Variants in SDHAF2 observed in about 807,000 individuals in gnomAD.
The protein encoded by SDHAF2 is succinate dehydrogenase complex assembly factor 2.
A neutral mutation model predicts 18.5 loss-of-function variants in SDHAF2; 21 were observed. That is an observed-to-expected ratio of 1.13 (90% CI 0.80 to 1.63). The LOEUF (loss-of-function observed/expected upper bound fraction) is 1.63, where lower values mean the gene tolerates loss of function less well. Among genes scored for constraint, SDHAF2 ranks in the 40% most tolerant of loss-of-function variants. SDHAF2 has a pLI of 0.00. For synonymous variants in SDHAF2, 84 were observed against 70.7 expected (o/e 1.19, Z -0.94); for missense variants, 195 against 200.3 (o/e 0.97, Z 0.16).
chr11:61,439,333 G>T lies in SDHAF2; in HGVS notation c.370+1220G>T, dbSNP rs149790125. Among the ~76,000 whole-genome samples the T allele has an allele frequency of 8.1e-3, 1,235 of 152,278 alleles. 20 individuals are homozygous for T. The highest frequency in any genetic ancestry group is 0.028 in the African/African-American group (1,153 of 41,550). On this transcript the variant is annotated intron_variant, in intron 3 of 3. Coordinates refer to ENST00000301761, the MANE Select transcript of SDHAF2 (RefSeq NM_017841.4). ...ACAGCCATATTTCAGCCCGGAAAAAGTGTGTGGAAGTGCATACCCCTCCTT... is the reference window on the plus strand; with the variant it reads ...ACAGCCATATTTCAGCCCGGAAAAATTGTGTGGAAGTGCATACCCCTCCTT...
chr11:61,434,595 T>TTTTTTTTTTTTTTTTTTTC lies in SDHAF2; in HGVS notation c.37-3015_37-3014insTTTCTTTTTTTTTTTTTTT, dbSNP rs1441349588. On this transcript the variant is annotated intron_variant, in intron 1 of 3. Coordinates refer to ENST00000301761, the MANE Select transcript of SDHAF2 (RefSeq NM_017841.4). ...TTTCTTCACTCCTTCTCATTCCTTT[T>TTTTTTTTTTTTTTTTTTTC]TTTTTTTTTTTTTTTAGAAAAAACC... 957 of 143,346 alleles carry TTTTTTTTTTTTTTTTTTTC rather than the reference T, an allele frequency of 6.7e-3. 40 individuals are homozygous for TTTTTTTTTTTTTTTTTTTC. Among genetic ancestry groups the TTTTTTTTTTTTTTTTTTTC allele is most frequent in the African/African-American group, 0.027 (908 of 33,520 alleles). The allele number at this position is 143,346 out of a possible 1,614,324, so 8.9% of individuals were successfully genotyped here. A position where few individuals can be genotyped will look rare whatever the true frequency, so the allele number is the denominator to read the frequency against.
In SDHAF2 at chr11:61,446,158, A is replaced by T. The variant is rs1366446483; in HGVS notation, c.*87A>T. 2.0e-6 allele frequency: 3 copies of T among 1,510,110 alleles called. No homozygotes were observed. The highest frequency in any genetic ancestry group is 2.7e-6 in the Non-Finnish European group (3 of 1,091,376). 93.5% of individuals were successfully genotyped at this position (1,510,110 alleles called of 1,614,324 possible). A position where few individuals can be genotyped will look rare whatever the true frequency, so the allele number is the denominator to read the frequency against. ...GTTAGCCTTGCTTCCGGCTTCTTAG[A>T]TGCCCAGCTGCCCTACCCCAGACCA... On this transcript the variant is annotated 3_prime_UTR_variant, in exon 4 of 4. Coordinates refer to ENST00000301761, the MANE Select transcript of SDHAF2 (RefSeq NM_017841.4).
At chr11:61,432,590 G>A (rs1002008698) in intron 1 of SDHAF2, 23 of 152,126 alleles carry the variant, frequency 1.5e-4, no homozygotes, top group African/African-American at 4.8e-4. Flanking sequence ...CCACAGATAC[G>A]GAGGGCCAAC....
intron 3 of SDHAF2, among the ~76,000 whole-genome samples, chr11:61,443,739 G>A (rs1456968082): frequency 6.6e-6 from 1 of 152,074 alleles, no homozygotes; most frequent in Non-Finnish European, 1.5e-5. Flanking sequence ...AGCCTCCTGA[G>A]TAGCTGAGAC....
chr11:61,437,935 G>T, intron 2 of SDHAF2, 69 bp from the exon 3 acceptor site: 1 of 1,553,394 alleles, frequency 6.4e-7, no homozygotes, highest in Non-Finnish European at 8.9e-7. Context: ...TAGGAGTCTT[G>T]GTGTCACTTC....
intron 1 of SDHAF2, chr11:61,430,795 G>C (rs1270767526): frequency 1.3e-5 from 2 of 151,804 alleles, no homozygotes; most frequent in East Asian, 1.9e-4. Context: ...CTAGCCTGCT[G>C]TTATAAAGTA....
chr11:61,434,332 C>G (rs992953299), intron 1 of SDHAF2: 6 of 152,252 alleles, frequency 3.9e-5, no homozygotes, highest in African/African-American at 1.4e-4. Flanking sequence ...GCACGCGCCA[C>G]CATGCTTGGC....
At chr11:61,444,659 C>T (rs911690954) in intron 3 of SDHAF2, among the ~76,000 whole-genome samples, 12 of 152,260 alleles carry the variant, frequency 7.9e-5, no homozygotes, top group African/African-American at 2.2e-4. Context: ...GGGAGAATGG[C>T]GTGAGCCCAG....
chr11:61,432,759 G>T (rs1861948318), intron 1 of SDHAF2: 1 of 151,870 alleles, frequency 6.6e-6, no homozygotes, highest in Non-Finnish European at 1.5e-5. Flanking sequence ...GTCTTACACA[G>T]GTATTTCTTT....
At chr11:61,442,466 CT>C (rs1862079764) in intron 3 of SDHAF2, among the ~76,000 whole-genome samples, 1 of 152,160 alleles carries the variant, frequency 6.6e-6, no homozygotes, top group African/African-American at 2.4e-5. Flanking sequence ...TATGTGTCTT[CT>C]CTTTCTGAAT....
At chr11:61,433,329 C>T (rs1035978332) in intron 1 of SDHAF2, 3 of 152,222 alleles carry the variant, frequency 2.0e-5, no homozygotes, top group African/African-American at 7.2e-5. Context: ...TGAGCCACCG[C>T]ACCCGGCCTC....
At chr11:61,436,348 GT>G (rs1189107510) in intron 1 of SDHAF2, among the ~76,000 whole-genome samples, 12 of 152,152 alleles carry the variant, frequency 7.9e-5, no homozygotes, top group Non-Finnish European at 2.9e-5. Context: ...TACTGCACCT[GT>G]TTCCCTCCCT....
At position 61,430,197 on chromosome 11, in the gene SDHAF2, C is replaced by A; in HGVS notation, c.36+15C>A. The A allele has an allele frequency of 1.2e-6, 2 of 1,614,178 alleles. No homozygotes were observed. The highest frequency in any genetic ancestry group is 1.1e-5 in the South Asian group (1 of 91,062). The stretch of plus-strand genomic sequence containing the variant: ...CTTCGTCGCTGGTGAGGAGAGAGAA[C>A]GTTCTAGCGTCCGGGGCGGGCGGCA... On this transcript the variant is annotated intron_variant, in intron 1 of 3. Transcript: ENST00000301761.
chr11:61,434,113 G>A (rs1273228810), intron 1 of SDHAF2: 1 of 152,208 alleles, frequency 6.6e-6, no homozygotes, highest in Non-Finnish European at 1.5e-5. Flanking sequence ...TTGGGTTCAT[G>A]TTAATTGAGA....
intron 1 of SDHAF2, chr11:61,431,610 A>G (rs915240398): frequency 6.6e-6 from 1 of 152,120 alleles, no homozygotes; most frequent in Non-Finnish European, 1.5e-5. Flanking sequence ...TTTTAATAAA[A>G]TGTCTCTTGT....
At chr11:61,437,924 G>A in intron 2 of SDHAF2, 76 bp downstream of exon 2, 1 of 1,531,754 alleles carries the variant, frequency 6.5e-7, no homozygotes, top group South Asian at 1.1e-5. Flanking sequence ...ACTCCCAGGA[G>A]TAGGAGTCTT....
chr11:61,441,382 G>A (rs990996679), intron 3 of SDHAF2, among the ~76,000 whole-genome samples: 11 of 151,842 alleles, frequency 7.2e-5, no homozygotes, highest in African/African-American at 1.5e-4. Flanking sequence ...AATACTGGGC[G>A]TGGTGGTGGG....
intron 3 of SDHAF2, among the ~76,000 whole-genome samples, chr11:61,443,322 C>T (rs1385747958): frequency 6.6e-6 from 1 of 152,222 alleles, no homozygotes; most frequent in Non-Finnish European, 1.5e-5. Context: ...GCTTTTTCCA[C>T]TGGCGCCTTT....
chr11:61,445,862 T>C lies in SDHAF2; in HGVS notation c.371-79T>C, dbSNP rs1481093716. On this transcript the variant is annotated intron_variant, in intron 3 of 3. Transcript: ENST00000301761. The stretch of plus-strand genomic sequence containing the variant: ...ATATCCATCTGTGGTTCTTGGCCAG[T>C]GTTTCGAGTTTTAAGATTCTCATAC... 2.0e-6 allele frequency: 3 copies of C among 1,503,484 alleles called. No individual in the cohort carries two copies. In the African/African-American group the frequency reaches 4.1e-5, roughly 21 times the overall value. 93.1% of individuals were successfully genotyped at this position (1,503,484 alleles called of 1,614,324 possible). A position where few individuals can be genotyped will look rare whatever the true frequency, so the allele number is the denominator to read the frequency against.
Sources: allele counts gnomAD v4.1 joint callset (sites outside exome capture counted in the v4.1 genomes callset), GRCh38; gene constraint gnomAD v4.1.1; transcripts MANE v1.5; gene names NCBI Gene and HGNC (gene_info 2026-07-23, HGNC 2026-07-21).